IFFO2: variants seen among roughly 807,000 people sequenced by gnomAD.
The protein encoded by IFFO2 is intermediate filament family orphan 2.
Under a neutral mutation model 53.5 loss-of-function variants are expected in IFFO2, and 19 were observed. The observed-to-expected ratio is 0.36, with a 90% CI of 0.25 to 0.52. IFFO2 has a LOEUF of 0.52. Among genes scored for constraint, IFFO2 ranks in the 20% least tolerant of loss-of-function variants. The probability of loss-of-function intolerance (pLI) is 0.94; values close to 1 mark genes in which losing one functional copy is unlikely to be tolerated. For synonymous variants in IFFO2, 303 were observed against 313.6 expected, an observed-to-expected ratio of 0.97 and a Z score of 0.36; for missense variants, 570 against 727.4, an observed-to-expected ratio of 0.78 and a Z score of 2.49.
At chr1:18,925,584 C>T (rs544199043) in intron 1 of IFFO2, among the ~76,000 whole-genome samples, 1 of 152,328 alleles carries the variant, frequency 6.6e-6, no homozygotes, top group East Asian at 1.9e-4. Flanking sequence ...GGCAAGTTCC[C>T]TGGTCTAGGT....
rs929639105 is a variant in IFFO2 at position 18,919,461 on chromosome 1, A to G, written c.822+217T>C. ...GATAGGTTAAGCGGCAGATTAATGCATCTCTACTCAGACCGAGGGAAGCAG... is the reference window on the plus strand; with the variant it reads ...GATAGGTTAAGCGGCAGATTAATGCGTCTCTACTCAGACCGAGGGAAGCAG... On this transcript the variant is annotated intron_variant, in intron 3 of 8. Transcript: ENST00000455833. The surrounding 1 kb of genome is among the most constrained non-coding windows in gnomAD (Gnocchi z 4.9). Among the ~76,000 whole-genome samples, 3 of 150,168 alleles carry G rather than the reference A, an allele frequency of 2.0e-5. No homozygotes were observed. Among genetic ancestry groups the G allele is most frequent in the African/African-American group, 7.4e-5 (3 of 40,682 alleles).
At chr1:18,911,205 T>G (rs1333948848) in intron 7 of IFFO2, among the ~76,000 whole-genome samples, 179 bp downstream of exon 7, 1 of 152,232 alleles carries the variant, frequency 6.6e-6, no homozygotes, top group Admixed American at 6.5e-5. Context: ...TTTGACAGAT[T>G]AGGAAACTGA....
rs370494370 is a variant in IFFO2 at position 18,955,909 on chromosome 1, C to A, written c.424G>T (p.Gly142Cys). Residue 142 changes from glycine to cysteine, a missense_variant, in exon 1 of 9, where the codon GGC (glycine) becomes TGC (cysteine). Gly to Cys is a radical substitution (Grantham distance 159). Transcript: ENST00000455833. ...TGCGAGCCGCCGCCGGGGGGCAGGCCGCCCAGGGCCACGGCATTGGCGTTG... is the reference window on the plus strand; with the variant it reads ...TGCGAGCCGCCGCCGGGGGGCAGGCAGCCCAGGGCCACGGCATTGGCGTTG... ...GANANAVALG[G>C]LPPGGGSHPQ... 1.2e-5 allele frequency: 16 copies of A among 1,332,366 alleles called. No individual in the cohort carries two copies. The South Asian group carries it at 2.2e-4, about 18-fold the overall frequency. The allele number at this position is 1,332,366 out of a possible 1,614,324, so 82.5% of individuals were successfully genotyped here. A position where few individuals can be genotyped will look rare whatever the true frequency, so the allele number is the denominator to read the frequency against.
intron 1 of IFFO2, among the ~76,000 whole-genome samples, chr1:18,930,154 C>T (rs1387593506): frequency 3.9e-5 from 6 of 152,148 alleles, no homozygotes; most frequent in South Asian, 2.1e-4. Flanking sequence ...CTCCCAGCTC[C>T]GAGGGGTTTT....
At position 18,908,603 on chromosome 1, in the gene IFFO2, A is replaced by T. The variant is rs1376835858; in HGVS notation, c.1512T>A (p.Asp504Glu). 6.4e-7 allele frequency: 1 copy of T among 1,551,614 alleles called. No homozygotes were observed. Residue 504 changes from aspartate to glutamate, a missense_variant, in exon 9 of 9, where the codon GAT becomes GAA. Physicochemically the swap from Asp to Glu is conservative, Grantham distance 45 (BLOSUM62 2). Transcript: ENST00000455833. ...CCACATCCGCCTCGCGCTCGAACTC[A>T]TCCTGGATCTCATCTGTACTTCCTG... ...SDSGSTDEIQDEFEREADVEP... is the reference protein window; with the variant it reads ...SDSGSTDEIQEEFEREADVEP...
At chr1:18,920,777 C>T (rs1334837166) in intron 2 of IFFO2, among the ~76,000 whole-genome samples, 1 of 152,202 alleles carries the variant, frequency 6.6e-6, no homozygotes, top group African/African-American at 2.4e-5. Context: ...GTCGCTGGTC[C>T]CAGGTCATAC....
rs1936132680 is a variant in IFFO2 at position 18,916,325 on chromosome 1, T to A, written c.1103+578A>T. Reference sequence around the variant, plus strand: ...AATGGCAGACAGGGAACATAAAGGATGCTGGCGAATGGAAGAGTATGCGCC... The same window carrying A: ...AATGGCAGACAGGGAACATAAAGGAAGCTGGCGAATGGAAGAGTATGCGCC... On this transcript the variant is annotated intron_variant, in intron 5 of 8. Coordinates refer to ENST00000455833, the MANE Select transcript of IFFO2 (RefSeq NM_001136265.2). The surrounding 1 kb of genome is among the most constrained non-coding windows in gnomAD (Gnocchi z 4.3). 6.6e-6 allele frequency among the ~76,000 whole-genome samples: 1 copy of A among 152,126 alleles called. No individual in the cohort carries two copies. Among genetic ancestry groups the A allele is most frequent in the African/African-American group, 2.4e-5 (1 of 41,406 alleles).
At chr1:18,910,588 A>T in intron 7 of IFFO2, 116 bp from the exon 8 acceptor site, 1 of 1,221,048 alleles carries the variant, frequency 8.2e-7, no homozygotes, top group East Asian at 2.5e-5. Flanking sequence ...ACCATTGGAC[A>T]CCATGCCATC....
At chr1:18,954,950 G>T (rs925111309) in intron 1 of IFFO2, among the ~76,000 whole-genome samples, 1 of 152,198 alleles carries the variant, frequency 6.6e-6, no homozygotes, top group South Asian at 2.1e-4. Context: ...GGAGAAGAGG[G>T]ATGAAAGGAG....
chr1:18,928,881 C>G lies in IFFO2; in HGVS notation c.666-7760G>C, dbSNP rs1240316337. 6.6e-6 allele frequency among the ~76,000 whole-genome samples: 1 copy of G among 152,226 alleles called. No homozygotes were observed. Among genetic ancestry groups the G allele is most frequent in the African/African-American group, 2.4e-5 (1 of 41,454 alleles). ...CTTCCTTGGAGTCCAGAAGTGGTGA[C>G]AGCCTCAGGGATACCAACTCCATCC... On this transcript the variant is annotated intron_variant, in intron 1 of 8. Coordinates refer to ENST00000455833, the MANE Select transcript of IFFO2 (RefSeq NM_001136265.2). The surrounding 1 kb of genome is among the most constrained non-coding windows in gnomAD (Gnocchi z 4.9).
chr1:18,953,572 C>T (rs979560343), intron 1 of IFFO2, among the ~76,000 whole-genome samples: 5 of 152,200 alleles, frequency 3.3e-5, no homozygotes, highest in Non-Finnish European at 7.3e-5. Flanking sequence ...CTAGCCCCCC[C>T]TCAACCTCAC....
Position 18,918,578 on chromosome 1 carries a change from A to G in IFFO2, c.823-76T>C. On this transcript the variant is annotated intron_variant, in intron 3 of 8. Coordinates refer to ENST00000455833, the MANE Select transcript of IFFO2 (RefSeq NM_001136265.2). The surrounding 1 kb of genome is among the most constrained non-coding windows in gnomAD (Gnocchi z 5.2). ...GGGGGCTTGGCAGAGAGGTGGGGAG[A>G]CCCCTAGGTGTCAGCAGGGGTGGTG... is the stretch of plus-strand genomic sequence containing the variant. 5 of 1,446,024 alleles carry G rather than the reference A, an allele frequency of 3.5e-6. No individual in the cohort carries two copies. The highest frequency in any genetic ancestry group is 4.7e-6 in the Non-Finnish European group (5 of 1,068,544). 89.6% of individuals were successfully genotyped at this position (1,446,024 alleles called of 1,614,324 possible). A position where few individuals can be genotyped will look rare whatever the true frequency, so the allele number is the denominator to read the frequency against.
At chr1:18,922,807 T>A (rs1158262426) in intron 1 of IFFO2, among the ~76,000 whole-genome samples, 1 of 151,202 alleles carries the variant, frequency 6.6e-6, no homozygotes, top group Non-Finnish European at 1.5e-5. Context: ...TGAAGCCGAG[T>A]GGTCAAGCCA....
intron 1 of IFFO2, among the ~76,000 whole-genome samples, chr1:18,941,175 G>A (rs148129203): frequency 1.3e-5 from 2 of 152,368 alleles, no homozygotes; most frequent in African/African-American, 4.8e-5. Flanking sequence ...GAACACATGT[G>A]TGCGGCTTCA....
At chr1:18,949,795 G>A (rs144942067) in intron 1 of IFFO2, among the ~76,000 whole-genome samples, 4 of 152,360 alleles carry the variant, frequency 2.6e-5, no homozygotes, top group South Asian at 2.1e-4. Context: ...GTGTGTGCAC[G>A]TACATGTGTG....
chr1:18,952,141 C>T lies in IFFO2; in HGVS notation c.665+3527G>A, dbSNP rs28452849. On this transcript the variant is annotated intron_variant, in intron 1 of 8. Coordinates refer to ENST00000455833, the MANE Select transcript of IFFO2 (RefSeq NM_001136265.2). ...CTCAGTGGGAAACTCCAGGGAAAAG[C>T]CCCCAGCTTGCAAAGTCAGAACAAG... is the stretch of plus-strand genomic sequence containing the variant. 5.4e-3 allele frequency among the ~76,000 whole-genome samples: 825 copies of T among 152,300 alleles called. 12 individuals are homozygous for T. The highest frequency in any genetic ancestry group is 0.019 in the African/African-American group (776 of 41,548).
chr1:18,949,074 T>C (rs1024442926), intron 1 of IFFO2, among the ~76,000 whole-genome samples: 5 of 152,242 alleles, frequency 3.3e-5, no homozygotes, highest in African/African-American at 1.2e-4. Flanking sequence ...CTTTGAACTT[T>C]GGCCCAGGCC....
chr1:18,951,427 C>T (rs982938806), intron 1 of IFFO2, among the ~76,000 whole-genome samples: 2 of 152,172 alleles, frequency 1.3e-5, no homozygotes, highest in Non-Finnish European at 2.9e-5. Context: ...AACTGGGGGG[C>T]GCATACAGTC....
At position 18,918,438 on chromosome 1, in the gene IFFO2, C is replaced by T. The variant is rs1256525538; in HGVS notation, c.887G>A (p.Arg296His). ...CAGCTTGGCCGTGATATCGATTCGG[C>T]GGCAGATGTCCATGTCCACCTTCAT... Reference protein sequence around the residue: ...KAMKVDMDICRRIDITAKLCD... With the variant: ...KAMKVDMDICHRIDITAKLCD... The change falls in exon 4 of 9, where the codon CGC becomes CAC. Residue 296 changes from arginine (R) to histidine (H), a missense_variant. Transcript: ENST00000455833. The surrounding 1 kb of genome is among the most constrained non-coding windows in gnomAD (Gnocchi z 5.2). 6 of 1,561,540 alleles carry T rather than the reference C, an allele frequency of 3.8e-6. No individual in the cohort carries two copies. The highest frequency in any genetic ancestry group is 4.3e-6 in the Non-Finnish European group (5 of 1,152,400).
Sources: gnomAD v4.1 joint callset for allele counts (sites outside exome capture counted in the v4.1 genomes callset) on GRCh38, gnomAD v4.1.1 for gene constraint, Gnocchi (gnomAD v3.1) non-coding constraint, MANE v1.5 for transcripts, NCBI Gene and HGNC (gene_info 2026-07-23, HGNC 2026-07-21) for gene names.